Variants in DCC observed in about 807,000 individuals in gnomAD.
DCC encodes DCC netrin 1 receptor, also known as netrin receptor DCC.
DCC carries 58 observed loss-of-function variants against 172.5 expected under a neutral mutation model. The observed-to-expected ratio is 0.34, with a 90% CI of 0.27 to 0.42. The LOEUF is 0.42. Among genes scored for constraint, DCC ranks in the 10% least tolerant of loss-of-function variants. The pLI, the probability that DCC is intolerant of heterozygous loss-of-function variation, is 1.00. For missense variants in DCC, 1,740 were observed against 1,791.0 expected (o/e 0.97, Z 0.51); for synonymous variants, 709 against 644.5 (o/e 1.10, Z -1.52).
intron 1 of DCC, among the ~76,000 whole-genome samples, chr18:52,400,637 A>C (rs1041691038): frequency 2.0e-5 from 3 of 152,118 alleles, no homozygotes; most frequent in Admixed American, 2.0e-4. Context: ...ATAAAGACAC[A>C]TGAACATGTA....
At chr18:52,376,231 ACT>A (rs1985340340) in intron 1 of DCC, among the ~76,000 whole-genome samples, 1 of 152,146 alleles carries the variant, frequency 6.6e-6, no homozygotes, top group African/African-American at 2.4e-5. Context: ...TTGGAGGAAC[ACT>A]CTGTACAATG....
chr18:52,639,508 T>C (rs1261683121), intron 1 of DCC, among the ~76,000 whole-genome samples: 1 of 151,792 alleles, frequency 6.6e-6, no homozygotes, highest in African/African-American at 2.4e-5. Context: ...ATACAAGAGA[T>C]CATTCAAGGC....
chr18:53,249,971 A>T (rs1165653904), intron 12 of DCC, among the ~76,000 whole-genome samples: 1 of 151,990 alleles, frequency 6.6e-6, no homozygotes, highest in Non-Finnish European at 1.5e-5. Context: ...CTCAAATTTA[A>T]TTGGATTTTG....
chr18:52,772,187 A>G (rs543932583), intron 2 of DCC, among the ~76,000 whole-genome samples: 1 of 152,244 alleles, frequency 6.6e-6, no homozygotes, highest in African/African-American at 2.4e-5. Context: ...GTAAATGGCG[A>G]TTTTGTCAAT....
intron 1 of DCC, among the ~76,000 whole-genome samples, chr18:52,376,815 AC>A (rs1448409722): frequency 1.3e-5 from 2 of 152,218 alleles, no homozygotes; most frequent in Non-Finnish European, 2.9e-5. Flanking sequence ...TTATTAGAAT[AC>A]ATGAAGTAGT....
At chr18:53,496,362 C>T (rs960865937) in intron 26 of DCC, among the ~76,000 whole-genome samples, 3 of 152,128 alleles carry the variant, frequency 2.0e-5, no homozygotes, top group Non-Finnish European at 2.9e-5. Context: ...ACAGAGGGGC[C>T]TGACTGTTTG....
At chr18:52,690,239 C>T (rs1043826144) in intron 1 of DCC, among the ~76,000 whole-genome samples, 4 of 152,160 alleles carry the variant, frequency 2.6e-5, no homozygotes, top group Non-Finnish European at 5.9e-5. Flanking sequence ...GAGTGCTCAA[C>T]ACTGTGGGGA....
chr18:53,093,947 CTG>C (rs1454099575), intron 7 of DCC, among the ~76,000 whole-genome samples: 1 of 152,144 alleles, frequency 6.6e-6, no homozygotes, highest in Non-Finnish European at 1.5e-5. Flanking sequence ...GCAACAATAA[CTG>C]AGTCAGTCTG....
intron 1 of DCC, among the ~76,000 whole-genome samples, chr18:52,647,022 C>T (rs1283473361): frequency 1.3e-5 from 2 of 152,208 alleles, no homozygotes; most frequent in Non-Finnish European, 2.9e-5. Context: ...TCCTTTCACT[C>T]AGGAAATTCC....
At chr18:52,640,026 G>A (rs1398690280) in intron 1 of DCC, among the ~76,000 whole-genome samples, 1 of 152,072 alleles carries the variant, frequency 6.6e-6, no homozygotes, top group Admixed American at 6.6e-5. Flanking sequence ...ATGATAAAGT[G>A]GGTTTCATAC....
chr18:53,397,490 T>A, intron 18 of DCC, 44 bp downstream of exon 18: 1 of 1,610,716 alleles, frequency 6.2e-7, no homozygotes, highest in South Asian at 1.1e-5. Context: ...TAATGGTGTT[T>A]CCCAGGTTCT....
At chr18:52,630,746 T>C in intron 1 of DCC, among the ~76,000 whole-genome samples, 1 of 152,186 alleles carries the variant, frequency 6.6e-6, no homozygotes, top group East Asian at 1.9e-4. Context: ...AAGCTAAGAC[T>C]TGGATCAGAA....
At chr18:53,422,826 A>G (rs935048365) in intron 21 of DCC, among the ~76,000 whole-genome samples, 1 of 152,148 alleles carries the variant, frequency 6.6e-6, no homozygotes, top group Non-Finnish European at 1.5e-5. Context: ...TTAATTGAAA[A>G]TTAAAACCTC....
intron 2 of DCC, among the ~76,000 whole-genome samples, chr18:52,873,102 TTACAAAATATCC>T (rs1205378880): frequency 2.0e-5 from 3 of 152,320 alleles, no homozygotes; most frequent in East Asian, 3.9e-4. Flanking sequence ...TAAAAATACC[TTACAAAATATCC>T]TACAAAATAT....
intron 2 of DCC, among the ~76,000 whole-genome samples, chr18:52,847,219 C>A (rs1191771589): frequency 3.3e-5 from 5 of 152,190 alleles, no homozygotes; most frequent in African/African-American, 1.2e-4. Context: ...GTATTAATCT[C>A]TGTGTTTCAC....
At chr18:52,789,017 A>T (rs775385117) in intron 2 of DCC, among the ~76,000 whole-genome samples, 2 of 151,898 alleles carry the variant, frequency 1.3e-5, no homozygotes, top group African/African-American at 2.4e-5. Context: ...GACCAAGAGT[A>T]TGCTTCTCTG....
intron 2 of DCC, among the ~76,000 whole-genome samples, chr18:52,886,103 G>A: frequency 6.6e-6 from 1 of 151,848 alleles, no homozygotes; most frequent in East Asian, 1.9e-4. Flanking sequence ...GTTGCTGCAA[G>A]CTGCACTGCC....
At chr18:53,248,081 G>T (rs953629565) in intron 12 of DCC, among the ~76,000 whole-genome samples, 4 of 151,964 alleles carry the variant, frequency 2.6e-5, no homozygotes, top group African/African-American at 9.7e-5. Flanking sequence ...ATGTTTACTG[G>T]ATTAATAAAT....
At chr18:52,564,461 A>G (rs2033107994) in intron 1 of DCC, among the ~76,000 whole-genome samples, 1 of 152,116 alleles carries the variant, frequency 6.6e-6, no homozygotes, top group Admixed American at 6.6e-5. Flanking sequence ...GTAAGAAGTA[A>G]TATATACCTA....
Sources: gnomAD v4.1 joint callset for allele counts (sites outside exome capture counted in the v4.1 genomes callset) on GRCh38, gnomAD v4.1.1 for gene constraint, MANE v1.5 for transcripts, NCBI Gene and HGNC (gene_info 2026-07-23, HGNC 2026-07-21) for gene names.